HIP1: variants seen among roughly 807,000 people sequenced by gnomAD.
The protein encoded by HIP1 is huntingtin-interacting protein 1.
HIP1 carries 65 observed loss-of-function variants against 147.6 expected under a neutral mutation model. The ratio of observed to expected loss-of-function variants is 0.44; its 90% confidence interval spans 0.36 to 0.54. The LOEUF is 0.54. Among genes scored for constraint, HIP1 ranks in the 20% least tolerant of loss-of-function variants. HIP1 has a pLI of 0.00. For synonymous variants in HIP1, 479 were observed against 504.0 expected (o/e 0.95, Z 0.67); for missense variants, 1,061 against 1,299.6 (o/e 0.82, Z 2.82).
rs541316735 is a variant in HIP1 at position 75,685,046 on chromosome 7, G to A, written c.120+53755C>T. Among the ~76,000 whole-genome samples, 22 of 152,038 alleles carry A rather than the reference G, an allele frequency of 1.4e-4. 1 individual carries two copies. Among genetic ancestry groups the A allele is most frequent in the African/African-American group, 4.6e-4 (19 of 41,464 alleles). On this transcript the variant is annotated intron_variant, in intron 1 of 30. Coordinates refer to ENST00000336926, the MANE Select transcript of HIP1 (RefSeq NM_005338.7). ...GTGGAGCTTGCAGTGAGCTGAGATCGTGCCACTGCACTCCAGCCTGGGTGA... is the reference window on the plus strand; with the variant it reads ...GTGGAGCTTGCAGTGAGCTGAGATCATGCCACTGCACTCCAGCCTGGGTGA...
chr7:75,655,600 AG>A (rs1316337481), intron 1 of HIP1, among the ~76,000 whole-genome samples: 1 of 151,928 alleles, frequency 6.6e-6, no homozygotes, highest in East Asian at 1.9e-4. Context: ...AGAAAAGAAA[AG>A]AAAAGAAAAA....
At chr7:75,581,175 G>A in intron 7 of HIP1, 62 bp downstream of exon 7, 1 of 1,257,076 alleles carries the variant, frequency 8.0e-7, no homozygotes, top group Non-Finnish European at 1.2e-6. Context: ...GCAGGGAGAG[G>A]AGGACTAGGA....
chr7:75,608,112 C>T (rs1350652545), intron 1 of HIP1, among the ~76,000 whole-genome samples: 2 of 152,144 alleles, frequency 1.3e-5, no homozygotes, highest in African/African-American at 4.8e-5. Flanking sequence ...CAAGTTCGGC[C>T]TGGCCAAGAT....
At chr7:75,693,622 C>G (rs1386330919) in intron 1 of HIP1, among the ~76,000 whole-genome samples, 1 of 152,014 alleles carries the variant, frequency 6.6e-6, no homozygotes, top group East Asian at 1.9e-4. Context: ...CATGTGTAAT[C>G]CTGGCGCTTT....
At chr7:75,553,719 C>G in intron 21 of HIP1, 130 bp from the exon 22 acceptor site, 2 of 794,722 alleles carry the variant, frequency 2.5e-6, no homozygotes, top group Non-Finnish European at 3.9e-6. Flanking sequence ...GATTCTCCTG[C>G]CTCGGCCTCC....
At position 75,601,361 on chromosome 7, in the gene HIP1, G is replaced by A. The variant is rs112595354; in HGVS notation, c.121-2114C>T. The stretch of plus-strand genomic sequence containing the variant: ...CCCAGCACTTTGGGAGGCCAAGGTG[G>A]GTGGATCACCTGAGGTCAGGAGTTT... On this transcript the variant is annotated intron_variant, in intron 1 of 30. Transcript: ENST00000336926. Among the ~76,000 whole-genome samples the A allele has an allele frequency of 7.1e-3, 1,081 of 152,018 alleles. 12 individuals carry two copies. Among genetic ancestry groups the A allele is most frequent in the African/African-American group, 0.025 (1,027 of 41,500 alleles).
At chr7:75,548,847 G>C (rs999576305) in intron 23 of HIP1, 44 bp downstream of exon 23, 41 of 1,360,704 alleles carry the variant, frequency 3.0e-5, no homozygotes, top group Non-Finnish European at 4.3e-5. Flanking sequence ...CAGAAGGGCA[G>C]CTGCAAAGGC....
chr7:75,710,402 A>G (rs1801136257), intron 1 of HIP1, among the ~76,000 whole-genome samples: 2 of 152,236 alleles, frequency 1.3e-5, no homozygotes, highest in East Asian at 1.9e-4. Context: ...ATGCTGCTTA[A>G]TTTGGTATAC....
intron 5 of HIP1, 114 bp downstream of exon 5, chr7:75,586,639 C>T: frequency 5.6e-6 from 4 of 716,400 alleles, no homozygotes; most frequent in South Asian, 1.6e-5. Flanking sequence ...CACACTTCCT[C>T]AGAAGCCTGG....
intron 1 of HIP1, among the ~76,000 whole-genome samples, chr7:75,663,490 C>T (rs1016049053): frequency 7.9e-5 from 12 of 151,858 alleles, no homozygotes; most frequent in African/African-American, 2.4e-4. Context: ...CTACAGCAGG[C>T]GAGGCGGACT....
chr7:75,715,798 A>AAAAAAAAAAC (rs1801299472), intron 1 of HIP1, among the ~76,000 whole-genome samples: 1 of 150,766 alleles, frequency 6.6e-6, no homozygotes, highest in Non-Finnish European at 1.5e-5. Flanking sequence ...AAAAAAAAAA[A>AAAAAAAAAAC]AGATGTCTAT....
At chr7:75,576,546 A>C (rs1795852040) in intron 7 of HIP1, among the ~76,000 whole-genome samples, 1 of 151,898 alleles carries the variant, frequency 6.6e-6, no homozygotes, top group East Asian at 1.9e-4. Context: ...ACATGGGGAA[A>C]CCCCATCTCT....
chr7:75,599,368 G>C, intron 1 of HIP1, 121 bp from the exon 2 acceptor site: 1 of 766,318 alleles, frequency 1.3e-6, no homozygotes, highest in Non-Finnish European at 2.2e-6. Flanking sequence ...CCAGCCCCAC[G>C]GGTGGTCGGT....
intron 1 of HIP1, among the ~76,000 whole-genome samples, chr7:75,623,505 C>T (rs1797929730): frequency 6.6e-6 from 1 of 152,166 alleles, no homozygotes; most frequent in African/African-American, 2.4e-5. Flanking sequence ...CAGACACAGA[C>T]GGAGGCAGAC....
At chr7:75,708,630 C>A (rs1203183707) in intron 1 of HIP1, among the ~76,000 whole-genome samples, 4 of 151,990 alleles carry the variant, frequency 2.6e-5, no homozygotes, top group African/African-American at 4.8e-5. Flanking sequence ...CATTGAATGG[C>A]CTTGGCACTC....
intron 1 of HIP1, among the ~76,000 whole-genome samples, chr7:75,643,537 G>A (rs550477273): frequency 9.2e-5 from 14 of 152,166 alleles, no homozygotes; most frequent in East Asian, 1.9e-4. Flanking sequence ...ATTACAATGC[G>A]TATTTTGCAG....
At chr7:75,611,810 TC>T (rs1554505034) in intron 1 of HIP1, 9 of 1,033,272 alleles carry the variant, frequency 8.7e-6, no homozygotes, top group Non-Finnish European at 9.3e-6. Flanking sequence ...CAGCAGGCCC[TC>T]GTGTCCCCGG....
At chr7:75,592,541 G>T in intron 2 of HIP1, 27 bp from the exon 3 acceptor site, 1 of 1,605,192 alleles carries the variant, frequency 6.2e-7, no homozygotes, top group Non-Finnish European at 8.5e-7. Flanking sequence ...GAAAACAACG[G>T]ATGGGCTCTG....
intron 1 of HIP1, among the ~76,000 whole-genome samples, chr7:75,729,305 C>CAAAAAA (rs35202804): frequency 2.4e-4 from 12 of 49,176 alleles, no homozygotes; most frequent in East Asian, 1.5e-3. Context: ...CTTGTCTCTG[C>CAAAAAA]AAAAAAAAAA....
Sources: gnomAD v4.1 joint callset for allele counts (sites outside exome capture counted in the v4.1 genomes callset) on GRCh38, gnomAD v4.1.1 for gene constraint, MANE v1.5 for transcripts, NCBI Gene and HGNC (gene_info 2026-07-23, HGNC 2026-07-21) for gene names.